Variants in EYS observed in about 807,000 individuals in gnomAD.
EYS encodes the protein EGF-like photoreceptor maintenance factor.
Under a neutral mutation model 282.1 loss-of-function variants are expected in EYS, and 250 were observed. The ratio of observed to expected loss-of-function variants is 0.89; its 90% CI spans 0.80 to 0.98. EYS has a LOEUF of 0.98. Ranked by LOEUF, EYS falls within the 50% of genes least tolerant of loss-of-function variation. EYS has a pLI of 0.00. For synonymous variants in EYS, 1,355 were observed against 1,282.9 expected, an observed-to-expected ratio of 1.06 and a Z score of -1.20; for missense variants, 4,016 against 3,709.0, an observed-to-expected ratio of 1.08 and a Z score of -2.15.
At chr6:65,459,968 TTATATATATATATATATATATATATA>T (rs34762215) in intron 5 of EYS, among the ~76,000 whole-genome samples, 49 of 80,674 alleles carry the variant, frequency 6.1e-4, no homozygotes, top group Middle Eastern at 7.6e-3. Context: ...TTTGTGTATT[TTATATATATATATATATATATATATA>T]TATATATATA....
At chr6:64,474,405 G>C (rs1776205694) in intron 26 of EYS, among the ~76,000 whole-genome samples, 1 of 152,176 alleles carries the variant, frequency 6.6e-6, no homozygotes, top group African/African-American at 2.4e-5. Flanking sequence ...TTTTCTAGTA[G>C]CATAAACTCA....
At chr6:63,722,361 A>G (rs1381162596) in intron 42 of EYS, among the ~76,000 whole-genome samples, 1 of 151,598 alleles carries the variant, frequency 6.6e-6, no homozygotes, top group Non-Finnish European at 1.5e-5. Flanking sequence ...TCACTTCCTC[A>G]GAGAAGTTTT....
At chr6:63,737,416 C>G (rs1768946134) in intron 41 of EYS, among the ~76,000 whole-genome samples, 2 of 152,124 alleles carry the variant, frequency 1.3e-5, no homozygotes, top group African/African-American at 2.4e-5. Flanking sequence ...ATTGAACCAG[C>G]CTTGCATCCC....
intron 5 of EYS, among the ~76,000 whole-genome samples, chr6:65,413,189 T>C (rs1767093278): frequency 1.3e-5 from 2 of 152,182 alleles, no homozygotes; most frequent in South Asian, 4.1e-4. Flanking sequence ...ATCAGACTTT[T>C]TCTTATGTAA....
chr6:65,095,701 A>G (rs555164980), intron 12 of EYS, among the ~76,000 whole-genome samples: 2 of 150,980 alleles, frequency 1.3e-5, no homozygotes, highest in Admixed American at 6.6e-5. Flanking sequence ...TAAACATCAC[A>G]TGATCATTTC....
intron 29 of EYS, among the ~76,000 whole-genome samples, chr6:64,368,660 G>C (rs1772254345): frequency 6.6e-6 from 1 of 152,004 alleles, no homozygotes. Context: ...CTAATGATTA[G>C]TGATTTTGAG....
chr6:64,407,158 T>C (rs1773743493), intron 28 of EYS, among the ~76,000 whole-genome samples: 1 of 152,162 alleles, frequency 6.6e-6, no homozygotes, highest in African/African-American at 2.4e-5. Context: ...GGGACATGGA[T>C]GGAGCAGGAA....
rs1372156454 is a variant in EYS at position 65,405,425 on chromosome 6, A to C, written c.863-58T>G. The C allele has an allele frequency of 4.4e-6, 6 of 1,374,698 alleles. No homozygotes were observed. In the East Asian group the frequency reaches 9.2e-5, roughly 21 times the overall value. 85.2% of individuals were successfully genotyped at this position (1,374,698 alleles called of 1,614,324 possible). A position where few individuals can be genotyped will look rare whatever the true frequency, so the allele number is the denominator to read the frequency against. ...AAAGGAAGGAAGGAAAGAAGAAATG[A>C]GCATAGATATGTAGCAAAACATTCT... On this transcript the variant is annotated intron_variant, in intron 5 of 42. Transcript: ENST00000503581.
intron 5 of EYS, among the ~76,000 whole-genome samples, chr6:65,480,996 G>A (rs1765588159): frequency 6.6e-6 from 1 of 151,984 alleles, no homozygotes; most frequent in Non-Finnish European, 1.5e-5. Context: ...TTTGGTTACT[G>A]GATACAAAAT....
intron 12 of EYS, among the ~76,000 whole-genome samples, chr6:65,221,125 A>G (rs1582032697): frequency 6.6e-6 from 1 of 152,360 alleles, no homozygotes; most frequent in East Asian, 1.9e-4. Flanking sequence ...AGTAGAGCAT[A>G]AAAGTTCATA....
At chr6:65,242,850 A>AT (rs1306618278) in intron 12 of EYS, among the ~76,000 whole-genome samples, 1 of 150,956 alleles carries the variant, frequency 6.6e-6, no homozygotes, top group Non-Finnish European at 1.5e-5. Context: ...TTAGACTTGT[A>AT]TTTTTTTTTA....
intron 13 of EYS, among the ~76,000 whole-genome samples, chr6:65,054,040 A>C (rs1199036330): frequency 6.6e-6 from 1 of 151,988 alleles, no homozygotes; most frequent in Non-Finnish European, 1.5e-5. Context: ...AAATTATTTG[A>C]GCTTTTTGCA....
At chr6:65,393,445 C>G (rs1204180810) in intron 7 of EYS, among the ~76,000 whole-genome samples, 1 of 152,004 alleles carries the variant, frequency 6.6e-6, no homozygotes, top group East Asian at 1.9e-4. Flanking sequence ...ATTGAGTGAC[C>G]AAGTGGAAGC....
chr6:65,512,976 C>A (rs1405743326), intron 2 of EYS, among the ~76,000 whole-genome samples: 2 of 152,058 alleles, frequency 1.3e-5, no homozygotes, highest in Admixed American at 1.3e-4. Context: ...ACAAAAAACC[C>A]TTCAAAAAAT....
intron 22 of EYS, among the ~76,000 whole-genome samples, chr6:64,759,363 T>C (rs1171956456): frequency 6.6e-6 from 1 of 152,160 alleles, no homozygotes; most frequent in Non-Finnish European, 1.5e-5. Context: ...CAAAGTCCAA[T>C]TAATAACTTA....
At chr6:65,599,668 T>C (rs1765545360) in intron 2 of EYS, among the ~76,000 whole-genome samples, 1 of 152,112 alleles carries the variant, frequency 6.6e-6, no homozygotes, top group African/African-American at 2.4e-5. Flanking sequence ...ATATGAAATG[T>C]TTATTCAGAT....
At chr6:64,941,362 AGAGT>A (rs2150093095) in intron 15 of EYS, among the ~76,000 whole-genome samples, 1 of 152,120 alleles carries the variant, frequency 6.6e-6, no homozygotes, top group Non-Finnish European at 1.5e-5. Context: ...CCTGGAAAAC[AGAGT>A]GAGAGTCTGC....
At chr6:65,007,952 G>T (rs1771736061) in intron 13 of EYS, among the ~76,000 whole-genome samples, 1 of 152,078 alleles carries the variant, frequency 6.6e-6, no homozygotes, top group Non-Finnish European at 1.5e-5. Context: ...AATGAGAGAA[G>T]TGCCACCATA....
chr6:64,640,311 AAC>A (rs1768088825), intron 22 of EYS, among the ~76,000 whole-genome samples: 1 of 151,354 alleles, frequency 6.6e-6, no homozygotes, highest in African/African-American at 2.4e-5. Flanking sequence ...AAAGACTTGG[AAC>A]CAACCCAAAT....
Sources: allele counts gnomAD v4.1 joint callset (sites outside exome capture counted in the v4.1 genomes callset), GRCh38; gene constraint gnomAD v4.1.1; transcripts MANE v1.5; gene names NCBI Gene and HGNC (gene_info 2026-07-23, HGNC 2026-07-21).